AIDA: variants seen among roughly 807,000 people sequenced by gnomAD.
AIDA encodes the protein axin interactor, dorsalization-associated protein.
AIDA carries 18 observed loss-of-function variants against 42.7 expected under a neutral mutation model. The ratio of observed to expected loss-of-function variants is 0.42; its 90% CI spans 0.29 to 0.63. AIDA has a LOEUF of 0.63. Among genes scored for constraint, AIDA ranks in the 20% least tolerant of loss-of-function variants. AIDA has a pLI of 0.19. For missense variants in AIDA, 250 were observed against 354.1 expected (o/e 0.71, Z 2.36); for synonymous variants, 104 against 122.9 (o/e 0.85, Z 1.02).
chr1:222,686,870 T>C (rs1655209257), intron 6 of AIDA, 60 bp downstream of exon 6: 1 of 1,553,834 alleles, frequency 6.4e-7, no homozygotes, highest in East Asian at 2.3e-5. Context: ...AAAGAAAGTT[T>C]CAAACACCCT....
chr1:222,672,353 C>A (rs1664464660), intron 8 of AIDA, among the ~76,000 whole-genome samples: 1 of 152,176 alleles, frequency 6.6e-6, no homozygotes. Flanking sequence ...TAGTTTTGTT[C>A]AGAAGACATA....
chr1:222,711,011 T>C (rs1245950319), intron 1 of AIDA, among the ~76,000 whole-genome samples: 1 of 150,640 alleles, frequency 6.6e-6, no homozygotes, highest in Non-Finnish European at 1.5e-5. Context: ...CAAATAACTA[T>C]TGCGGGGAGA....
chr1:222,688,681 C>T (rs987138424), intron 4 of AIDA, among the ~76,000 whole-genome samples: 2 of 151,804 alleles, frequency 1.3e-5, no homozygotes, highest in African/African-American at 4.8e-5. Context: ...CTCACTGCAA[C>T]CTCTGCCTCT....
intron 1 of AIDA, 118 bp downstream of exon 1, chr1:222,712,090 C>G (rs1245493463): frequency 1.4e-6 from 2 of 1,472,992 alleles, no homozygotes; most frequent in African/African-American, 2.8e-5. Context: ...CCAGTGCCTG[C>G]GGAGCCCCAC....
At chr1:222,689,520 T>TATATGC (rs765351898) in intron 4 of AIDA, among the ~76,000 whole-genome samples, 2 of 58,102 alleles carry the variant, frequency 3.4e-5, no homozygotes, top group Non-Finnish European at 7.6e-5. Flanking sequence ...TATATATATA[T>TATATGC]ACACACATAC....
At chr1:222,691,441 T>A (rs904595139) in intron 4 of AIDA, among the ~76,000 whole-genome samples, 1 of 152,084 alleles carries the variant, frequency 6.6e-6, no homozygotes, top group Non-Finnish European at 1.5e-5. Context: ...TCCTTCAGAG[T>A]CTGTTGTCAG....
At chr1:222,698,743 G>A (rs1458271820) in intron 2 of AIDA, among the ~76,000 whole-genome samples, 2 of 152,068 alleles carry the variant, frequency 1.3e-5, no homozygotes, top group African/African-American at 4.8e-5. Flanking sequence ...GAGCCACCAC[G>A]CCTGGCCCAT....
intron 6 of AIDA, among the ~76,000 whole-genome samples, chr1:222,681,221 G>C (rs976610618): frequency 7.9e-5 from 12 of 152,182 alleles, no homozygotes; most frequent in Non-Finnish European, 1.2e-4. Context: ...GTACACTGTG[G>C]TGTCAAACAG....
intron 6 of AIDA, among the ~76,000 whole-genome samples, chr1:222,686,159 TCAAAACAAAA>T (rs200676920): frequency 1.3e-5 from 2 of 152,078 alleles, no homozygotes; most frequent in Non-Finnish European, 1.5e-5. Flanking sequence ...AGACTCTGTC[TCAAAACAAAA>T]CAAAACAAAA....
intron 2 of AIDA, among the ~76,000 whole-genome samples, chr1:222,702,195 T>C (rs975517964): frequency 1.3e-5 from 2 of 152,150 alleles, no homozygotes; most frequent in African/African-American, 4.8e-5. Flanking sequence ...CAAATTCCTA[T>C]AAATAAGAGT....
chr1:222,689,797 G>A (rs891362792), intron 4 of AIDA, among the ~76,000 whole-genome samples: 3 of 151,782 alleles, frequency 2.0e-5, no homozygotes, highest in African/African-American at 7.3e-5. Flanking sequence ...ATTGTACAGT[G>A]TTTATAAAGT....
In AIDA at chr1:222,680,245, A is replaced by G. The variant is rs78475715; in HGVS notation, c.461-4027T>C. Among the ~76,000 whole-genome samples, 298 of 152,164 alleles carry G rather than the reference A, an allele frequency of 2.0e-3. 7 individuals carry two copies. In the East Asian group the frequency reaches 0.045, roughly 23 times the overall value. ...AGATTATGTTCACTTGACTTGGTCC[A>G]TTTAGTATTTTTTTTTTCAGGAGAC... On this transcript the variant is annotated intron_variant, in intron 6 of 9. Coordinates refer to ENST00000340020, the MANE Select transcript of AIDA (RefSeq NM_022831.4).
chr1:222,689,520 T>TATATACATAC (rs765351898), intron 4 of AIDA, among the ~76,000 whole-genome samples: 29 of 58,108 alleles, frequency 5.0e-4, no homozygotes, highest in African/African-American at 1.6e-4. Flanking sequence ...TATATATATA[T>TATATACATAC]ACACACATAC....
chr1:222,688,910 C>A (rs1367871440), intron 4 of AIDA, among the ~76,000 whole-genome samples: 1 of 151,926 alleles, frequency 6.6e-6, no homozygotes, highest in Non-Finnish European at 1.5e-5. Flanking sequence ...CAGGAGGTAT[C>A]AGAAGAAGGC....
chr1:222,703,305 A>G, intron 1 of AIDA, 88 bp from the exon 2 acceptor site: 1 of 955,970 alleles, frequency 1.0e-6, no homozygotes, highest in Non-Finnish European at 1.6e-6. Flanking sequence ...TAACATGTGA[A>G]GTACAATTAT....
Position 222,676,233 on chromosome 1 carries a change from A to G in AIDA, c.461-15T>C, listed in dbSNP as rs777582730. The G allele has an allele frequency of 9.4e-6, 15 of 1,602,466 alleles. No individual in the cohort carries two copies. The highest frequency in any genetic ancestry group is 9.0e-5 in the South Asian group (8 of 88,862). On this transcript the variant is annotated splice_polypyrimidine_tract_variant and intron_variant, in intron 6 of 9. Transcript: ENST00000340020. ...TAATAAAGTACCTGGCAACAGAGAA[A>G]AAGCAATAAAAGCTCCATATCATTT...
At chr1:222,677,016 T>C (rs1159239324) in intron 6 of AIDA, among the ~76,000 whole-genome samples, 1 of 152,122 alleles carries the variant, frequency 6.6e-6, no homozygotes, top group African/African-American at 2.4e-5. Context: ...AGAAATTGCT[T>C]CTTCCAATCC....
chr1:222,674,935 A>G (rs1270664583), intron 7 of AIDA, among the ~76,000 whole-genome samples: 5 of 152,210 alleles, frequency 3.3e-5, no homozygotes, highest in Non-Finnish European at 5.9e-5. Flanking sequence ...TTTGGTGTAC[A>G]TTCCTGCATG....
intron 2 of AIDA, among the ~76,000 whole-genome samples, chr1:222,701,049 G>A (rs904867029): frequency 4.2e-5 from 6 of 141,970 alleles, no homozygotes; most frequent in South Asian, 2.3e-4. Context: ...TGCAATCTCC[G>A]CCTCCCGAGT....
Sources: allele counts gnomAD v4.1 joint callset (sites outside exome capture counted in the v4.1 genomes callset), GRCh38; gene constraint gnomAD v4.1.1; transcripts MANE v1.5; gene names NCBI Gene and HGNC (gene_info 2026-07-23, HGNC 2026-07-21).